The following PEX5L variants were observed in gnomAD, a reference collection of about 807,000 sequenced individuals.
PEX5L encodes the protein PEX5-related protein.
In PEX5L, 30 loss-of-function variants were observed where a neutral mutation model predicts 84.0. The ratio of observed to expected loss-of-function variants is 0.36; its 90% CI spans 0.27 to 0.48. PEX5L has a LOEUF of 0.48. Ranked by LOEUF, PEX5L falls within the 20% of genes least tolerant of loss-of-function variation. The pLI is 0.99. For missense variants in PEX5L, 533 were observed against 754.6 expected, an observed-to-expected ratio of 0.71 and a Z score of 3.44; for synonymous variants, 270 against 283.1, an observed-to-expected ratio of 0.95 and a Z score of 0.46.
intron 2 of PEX5L, among the ~76,000 whole-genome samples, chr3:179,924,773 T>A (rs994553507): frequency 3.3e-5 from 5 of 152,170 alleles, no homozygotes; most frequent in African/African-American, 1.2e-4. Flanking sequence ...ATACCTTAAG[T>A]GTATTAAGAG....
intron 1 of PEX5L, among the ~76,000 whole-genome samples, chr3:179,979,637 G>A (rs1255326685): frequency 6.6e-6 from 1 of 152,116 alleles, no homozygotes; most frequent in Admixed American, 6.5e-5. Context: ...CAGTGGCAAG[G>A]GAACACTTCT....
At chr3:179,915,347 G>C (rs1023877293) in intron 2 of PEX5L, among the ~76,000 whole-genome samples, 1 of 152,156 alleles carries the variant, frequency 6.6e-6, no homozygotes, top group South Asian at 2.1e-4. Flanking sequence ...ATCTTGTCTG[G>C]ATCTGAAGAT....
chr3:179,917,168 C>A (rs1003507007), intron 2 of PEX5L, among the ~76,000 whole-genome samples: 1 of 151,942 alleles, frequency 6.6e-6, no homozygotes, highest in African/African-American at 2.4e-5. Flanking sequence ...TAGCCTAGGC[C>A]TACACAGGGT....
intron 2 of PEX5L, among the ~76,000 whole-genome samples, chr3:179,955,362 A>G (rs1363412452): frequency 6.6e-6 from 1 of 152,134 alleles, no homozygotes; most frequent in Non-Finnish European, 1.5e-5. Flanking sequence ...TTCGTGAGAG[A>G]AAGTTCTCGT....
chr3:180,014,308 TA>T (rs1384333344), intron 1 of PEX5L, among the ~76,000 whole-genome samples: 1 of 152,046 alleles, frequency 6.6e-6, no homozygotes, highest in East Asian at 1.9e-4. Flanking sequence ...CCGTCTCTAC[TA>T]AAAATACAAA....
At chr3:179,925,672 T>C (rs1771228482) in intron 2 of PEX5L, among the ~76,000 whole-genome samples, 1 of 152,228 alleles carries the variant, frequency 6.6e-6, no homozygotes, top group African/African-American at 2.4e-5. Context: ...CTACATATTA[T>C]GAAGGAACAG....
intron 1 of PEX5L, among the ~76,000 whole-genome samples, chr3:180,026,482 A>G (rs564859930): frequency 2.0e-5 from 3 of 152,184 alleles, no homozygotes; most frequent in Non-Finnish European, 2.9e-5. Context: ...ACATGGAGGA[A>G]AAAGATGTTC....
chr3:179,954,776 CTTTGT>C (rs1179411177), intron 2 of PEX5L, among the ~76,000 whole-genome samples: 2 of 148,252 alleles, frequency 1.3e-5, no homozygotes, highest in African/African-American at 4.9e-5. Flanking sequence ...CCCTTCTAAG[CTTTGT>C]TTTATTTTTT....
chr3:179,968,308 T>A (rs1783866570), intron 2 of PEX5L, among the ~76,000 whole-genome samples: 1 of 152,170 alleles, frequency 6.6e-6, no homozygotes, highest in Non-Finnish European at 1.5e-5. Context: ...AAGTGGTTAA[T>A]GTTTTTAATC....
chr3:180,016,361 C>T (rs978078341), intron 1 of PEX5L, among the ~76,000 whole-genome samples: 1 of 152,116 alleles, frequency 6.6e-6, no homozygotes, highest in Non-Finnish European at 1.5e-5. Flanking sequence ...ATATCTATCT[C>T]TCTATATATG....
chr3:179,911,356 G>A (rs1765112986), intron 2 of PEX5L, among the ~76,000 whole-genome samples: 1 of 152,148 alleles, frequency 6.6e-6, no homozygotes, highest in Non-Finnish European at 1.5e-5. Flanking sequence ...GGGACATGGT[G>A]CAGGGAAACA....
intron 2 of PEX5L, among the ~76,000 whole-genome samples, chr3:179,957,107 G>A (rs1261120038): frequency 6.6e-6 from 1 of 152,074 alleles, no homozygotes; most frequent in Non-Finnish European, 1.5e-5. Context: ...GTAACATAAT[G>A]TTACATAAAG....
At position 179,898,219 on chromosome 3, in the gene PEX5L, C is replaced by A; in HGVS notation, c.121G>T (p.Ala41Ser). ...QGKGSRAADK[A>S]VAMVMKEIPR... is the part of the protein sequence containing the mutation. ...ATCTCCTTCATCACCATGGCAACAGCCTTATCTGCCGCCCTAGAGCCTTTT... is the reference window on the plus strand; with the variant it reads ...ATCTCCTTCATCACCATGGCAACAGACTTATCTGCCGCCCTAGAGCCTTTT... Residue 41 changes from alanine (A) to serine (S), a missense_variant, in exon 3 of 15, where the codon GCT (alanine) becomes TCT (serine). Transcript: ENST00000467460. The A allele has an allele frequency of 6.2e-7, 1 of 1,613,398 alleles. No homozygotes were observed.
chr3:179,955,355 G>A (rs966079520), intron 2 of PEX5L, among the ~76,000 whole-genome samples: 5 of 151,806 alleles, frequency 3.3e-5, no homozygotes, highest in African/African-American at 4.8e-5. Flanking sequence ...AACTTACTTC[G>A]TGAGAGAAAG....
rs1578009176 is a variant in PEX5L, at chr3:179,882,731, C to T, written c.311-2608G>A. 5.3e-5 allele frequency among the ~76,000 whole-genome samples: 8 copies of T among 152,268 alleles called. No individual in the cohort carries two copies. The South Asian group carries it at 1.7e-3, about 32-fold the overall frequency. On this transcript the variant is annotated intron_variant, in intron 4 of 14. Coordinates refer to ENST00000467460, the MANE Select transcript of PEX5L (RefSeq NM_016559.3). ...GTCTGCTCTGCTGATTTCTTAAATCCTATTTTAAAGATCCTTCAGGCACAT... is the reference window on the plus strand; with the variant it reads ...GTCTGCTCTGCTGATTTCTTAAATCTTATTTTAAAGATCCTTCAGGCACAT...
intron 2 of PEX5L, among the ~76,000 whole-genome samples, chr3:179,910,003 T>C (rs1764626887): frequency 1.3e-5 from 2 of 152,194 alleles, no homozygotes; most frequent in Admixed American, 1.3e-4. Context: ...TAAACAGTAA[T>C]AGAACAACCA....
rs547965809 is a variant in PEX5L, at chr3:179,917,345, T to A, written c.94-19099A>T. On this transcript the variant is annotated intron_variant, in intron 2 of 14. Transcript: ENST00000467460. ...GTTTTACAGCTAACTTTTTTTTTTT[T>A]TTAAAATAAGCTGAAGGAGTATACT... 7.9e-3 allele frequency among the ~76,000 whole-genome samples: 1,198 copies of A among 151,732 alleles called. 6 individuals are homozygous for A. The highest frequency in any genetic ancestry group is 0.012 in the Non-Finnish European group (790 of 67,976).
chr3:179,875,262 A>C lies in PEX5L; in HGVS notation c.629+92T>G, dbSNP rs567430240. The stretch of plus-strand genomic sequence containing the variant: ...TATATAGGGGTTACATGTGATGCCA[A>C]GTATTTGGATTGACTTAACTCTTTG... On this transcript the variant is annotated intron_variant, in intron 6 of 14. Transcript: ENST00000467460. 1.6e-5 allele frequency: 19 copies of C among 1,194,400 alleles called. No individual in the cohort carries two copies. In the East Asian group the frequency reaches 4.5e-4, roughly 28 times the overall value. 74.0% of individuals were successfully genotyped at this position (1,194,400 alleles called of 1,614,324 possible). A position where few individuals can be genotyped will look rare whatever the true frequency, so the allele number is the denominator to read the frequency against.
chr3:179,810,768 T>G (rs373610081), intron 11 of PEX5L, among the ~76,000 whole-genome samples: 3 of 152,186 alleles, frequency 2.0e-5, no homozygotes, highest in African/African-American at 7.2e-5. Flanking sequence ...CTGGGAGTTT[T>G]AAAACTATTG....
Sources: allele counts gnomAD v4.1 joint callset (sites outside exome capture counted in the v4.1 genomes callset), GRCh38; gene constraint gnomAD v4.1.1; transcripts MANE v1.5; gene names NCBI Gene and HGNC (gene_info 2026-07-23, HGNC 2026-07-21).